CAST: variants seen among roughly 807,000 people sequenced by gnomAD.
The protein encoded by CAST is MIR583 host.
Under a neutral mutation model 119.6 loss-of-function variants are expected in CAST, and 76 were observed. The ratio of observed to expected loss-of-function variants is 0.64; its 90% CI spans 0.53 to 0.77. CAST has a LOEUF of 0.77. CAST is among the 30% of genes least tolerant of loss of function. The pLI, the probability that CAST is intolerant of heterozygous loss-of-function variation, is 0.00. For missense variants in CAST, 953 were observed against 946.5 expected, an observed-to-expected ratio of 1.01 and a Z score of -0.09; for synonymous variants, 319 against 331.6, an observed-to-expected ratio of 0.96 and a Z score of 0.41.
chr5:96,302,227 G>A, the CAST span, among the ~76,000 whole-genome samples: 1 of 152,132 alleles, frequency 6.6e-6, no homozygotes, highest in Admixed American at 6.5e-5. Context: ...GGAGCAGCTG[G>A]GACACAGGGC....
chr5:96,040,205 T>G, the CAST span, among the ~76,000 whole-genome samples: 1 of 152,198 alleles, frequency 6.6e-6, no homozygotes, highest in African/African-American at 2.4e-5. Context: ...ATGCTTGTGA[T>G]TTTTGCACAT....
At chr5:96,373,397 A>G in the CAST span, among the ~76,000 whole-genome samples, 1 of 152,380 alleles carries the variant, frequency 6.6e-6, no homozygotes, top group Non-Finnish European at 1.5e-5. Flanking sequence ...CAAAATACGT[A>G]GACAAACCCA....
At chr5:96,319,426 T>C in the CAST span, among the ~76,000 whole-genome samples, 6 of 152,316 alleles carry the variant, frequency 3.9e-5, no homozygotes, top group African/African-American at 1.4e-4. Flanking sequence ...TCCAAGCTTG[T>C]ACAGTTGATA....
chr5:96,591,575 T>G (rs1459527252), intron 1 of CAST, among the ~76,000 whole-genome samples: 2 of 152,186 alleles, frequency 1.3e-5, no homozygotes, highest in Non-Finnish European at 2.9e-5. Context: ...GGAAGGCGAA[T>G]AGGTCTGGCC....
the CAST span, chr5:96,412,354 C>T: frequency 6.2e-7 from 1 of 1,614,178 alleles, no homozygotes; most frequent in Non-Finnish European, 8.5e-7. Flanking sequence ...TCTGGGCTAG[C>T]CGGCCAGGCC....
chr5:96,731,141 T>A (rs1170174879), intron 9 of CAST, among the ~76,000 whole-genome samples: 1 of 152,238 alleles, frequency 6.6e-6, no homozygotes, highest in Admixed American at 6.5e-5. Context: ...AGACTCTCCC[T>A]TCCAAATGTA....
At chr5:96,145,144 A>G in the CAST span, among the ~76,000 whole-genome samples, 1 of 152,240 alleles carries the variant, frequency 6.6e-6, no homozygotes, top group Non-Finnish European at 1.5e-5. Flanking sequence ...GTCTTCAGCT[A>G]TCAGTTAATA....
chr5:96,001,419 A>G, the CAST span, among the ~76,000 whole-genome samples: 2 of 152,222 alleles, frequency 1.3e-5, no homozygotes, highest in African/African-American at 4.8e-5. Flanking sequence ...TGTGCCTGCA[A>G]GAGAGAATTC....
At chr5:96,412,901 A>T in the CAST span, 6 of 102,388 alleles carry the variant, frequency 5.9e-5, no homozygotes, top group Non-Finnish European at 1.0e-4. Flanking sequence ...CCTCCCTCCC[A>T]CCCCAACTAA....
At chr5:96,478,232 G>T in the CAST span, among the ~76,000 whole-genome samples, 1 of 152,182 alleles carries the variant, frequency 6.6e-6, no homozygotes, top group Non-Finnish European at 1.5e-5. Context: ...TCCCAATAGG[G>T]AGTGATAGTA....
chr5:96,594,080 T>C (rs982956759), intron 1 of CAST, among the ~76,000 whole-genome samples: 2 of 152,234 alleles, frequency 1.3e-5, no homozygotes, highest in Non-Finnish European at 2.9e-5. Context: ...GCATGTTACA[T>C]GTACTACTGA....
the CAST span, among the ~76,000 whole-genome samples, chr5:96,207,572 T>G: frequency 6.6e-6 from 1 of 152,130 alleles, no homozygotes. Flanking sequence ...GTGGTTTTTG[T>G]TTTTCATTCT....
At chr5:95,967,154 T>C in the CAST span, among the ~76,000 whole-genome samples, 1 of 151,998 alleles carries the variant, frequency 6.6e-6, no homozygotes, top group South Asian at 2.1e-4. Flanking sequence ...AGACATGGGG[T>C]GGGGAGGGAA....
intron 1 of CAST, among the ~76,000 whole-genome samples, chr5:96,600,415 G>A (rs540636527): frequency 2.3e-4 from 35 of 152,288 alleles, no homozygotes; most frequent in Non-Finnish European, 4.0e-4. Context: ...TATGGATGAC[G>A]ATGGACCAAG....
the CAST span, among the ~76,000 whole-genome samples, chr5:96,291,930 T>C: frequency 6.6e-6 from 1 of 151,696 alleles, no homozygotes; most frequent in South Asian, 2.1e-4. Flanking sequence ...CTTTCTTTCC[T>C]GTTTCTTCCA....
chr5:96,202,714 C>G, the CAST span, among the ~76,000 whole-genome samples: 1 of 151,936 alleles, frequency 6.6e-6, no homozygotes, highest in African/African-American at 2.4e-5. Context: ...TGGTGCTTAA[C>G]CAAAAGTTTT....
the CAST span, among the ~76,000 whole-genome samples, chr5:96,183,958 C>T: frequency 3.3e-5 from 5 of 152,178 alleles, no homozygotes; most frequent in African/African-American, 9.7e-5. Flanking sequence ...ATCATATAGA[C>T]TTCTGTCCAC....
the CAST span, among the ~76,000 whole-genome samples, chr5:96,320,365 G>A: frequency 2.7e-5 from 4 of 150,830 alleles, no homozygotes; most frequent in Non-Finnish European, 4.4e-5. Flanking sequence ...AGCCTCCCGA[G>A]TAGCTGGGAT....
At chr5:96,427,961 G>C in the CAST span, among the ~76,000 whole-genome samples, 2 of 152,100 alleles carry the variant, frequency 1.3e-5, no homozygotes, top group East Asian at 1.9e-4. Flanking sequence ...CCTCTGATTT[G>C]GTCTCCCACA....
Sources: allele counts gnomAD v4.1 joint callset (sites outside exome capture counted in the v4.1 genomes callset), GRCh38; gene constraint gnomAD v4.1.1; transcripts MANE v1.5; gene names NCBI Gene and HGNC (gene_info 2026-07-23, HGNC 2026-07-21).